ZNF595: variants seen among roughly 807,000 people sequenced by gnomAD.
ZNF595 encodes the protein zinc finger protein 595.
In ZNF595, 9 loss-of-function variants were observed where a neutral mutation model predicts 19.4. That is an observed-to-expected ratio of 0.46 (90% CI 0.28 to 0.81). ZNF595 has a LOEUF of 0.81. Among genes scored for constraint, ZNF595 ranks in the 30% least tolerant of loss-of-function variants. ZNF595 has a pLI of 0.11. For synonymous variants in ZNF595, 255 were observed against 255.9 expected (o/e 1.00, Z 0.03); for missense variants, 729 against 736.0 (o/e 0.99, Z 0.11).
Position 86,893 on chromosome 4 carries a change from G to C in ZNF595, c.1389G>C (p.Arg463=). 3.1e-6 allele frequency: 5 copies of C among 1,611,544 alleles called. No homozygotes were observed. The highest frequency in any genetic ancestry group is 4.2e-6 in the Non-Finnish European group (5 of 1,178,550). Reference sequence around the variant, plus strand: ...AAGAATGTGGCAAAGCCTTTACACGGTCCACAACACTGAACGAACATAAGA... The same window carrying C: ...AAGAATGTGGCAAAGCCTTTACACGCTCCACAACACTGAACGAACATAAGA... The part of the protein sequence containing the change: ...KCEECGKAFT[R]STTLNEHKKI... Residue 463 remains arginine, a synonymous_variant, in exon 4 of 4, where the codon CGG becomes CGC. Coordinates refer to ENST00000610261, the MANE Select transcript of ZNF595 (RefSeq NM_182524.4).
intron 3 of ZNF595, among the ~76,000 whole-genome samples, chr4:71,514 G>C (rs771244301): frequency 3.7e-4 from 57 of 152,042 alleles, no homozygotes; most frequent in Non-Finnish European, 6.6e-4. Flanking sequence ...CCTGGTCCTA[G>C]GTTTCAGAAC....
At chr4:61,721 C>A (rs1287051114) in intron 3 of ZNF595, among the ~76,000 whole-genome samples, 1 of 152,098 alleles carries the variant, frequency 6.6e-6, no homozygotes, top group Non-Finnish European at 1.5e-5. Flanking sequence ...AGTAAAGCAA[C>A]ATATTGTTTA....
chr4:74,431 T>C (rs1713561313), intron 3 of ZNF595, among the ~76,000 whole-genome samples: 1 of 152,194 alleles, frequency 6.6e-6, no homozygotes, highest in African/African-American at 2.4e-5. Context: ...CCTAGTATTA[T>C]CATATTTGTC....
intron 3 of ZNF595, among the ~76,000 whole-genome samples, chr4:80,311 G>A (rs1217535217): frequency 1.3e-5 from 2 of 152,176 alleles, no homozygotes; most frequent in East Asian, 1.9e-4. Context: ...GCGCCACCGC[G>A]CCCTGCTTGA....
intron 3 of ZNF595, among the ~76,000 whole-genome samples, chr4:66,516 C>T (rs1581332188): frequency 6.6e-6 from 1 of 151,950 alleles, no homozygotes; most frequent in Non-Finnish European, 1.5e-5. Context: ...TGCAAGAAAA[C>T]ATTGCTGGGA....
At chr4:80,476 A>G (rs1041421578) in intron 3 of ZNF595, among the ~76,000 whole-genome samples, 1 of 152,210 alleles carries the variant, frequency 6.6e-6, no homozygotes, top group Admixed American at 6.5e-5. Flanking sequence ...TGTCATGCGC[A>G]TCCGTGTGAA....
intron 3 of ZNF595, among the ~76,000 whole-genome samples, chr4:73,731 T>C (rs1162871225): frequency 6.6e-6 from 1 of 152,192 alleles, no homozygotes; most frequent in African/African-American, 2.4e-5. Context: ...CTGGTAAACA[T>C]AGGTAAAGTT....
chr4:86,708 G>A lies in ZNF595; in HGVS notation c.1204G>A (p.Gly402Ser). ...GAAACCCTACACATGTGAAGAATGT[G>A]GCAAAGCTTTTTATAGGTCCTCACA... is the stretch of plus-strand genomic sequence containing the variant. ...GEKPYTCEEC[G>S]KAFYRSSHLA... The change falls in exon 4 of 4, where the codon GGC becomes AGC. Residue 402 changes from glycine to serine, a missense_variant. Physicochemically the swap from Gly to Ser is moderately conservative, Grantham distance 56. This residue lies in a region of ZNF595 where 729 missense variants were observed against 675.3 expected (regional missense o/e 1.08). Coordinates refer to ENST00000610261, the MANE Select transcript of ZNF595 (RefSeq NM_182524.4). The A allele has an allele frequency of 6.2e-7, 1 of 1,613,688 alleles. No individual in the cohort carries two copies. Among genetic ancestry groups the A allele is most frequent in the South Asian group, 1.1e-5 (1 of 91,048 alleles).
intron 3 of ZNF595, among the ~76,000 whole-genome samples, chr4:84,748 A>G (rs1714063342): frequency 6.6e-6 from 1 of 152,030 alleles, no homozygotes; most frequent in Admixed American, 6.5e-5. Context: ...CTCACTCATT[A>G]CTTTTGTATT....
Position 87,440 on chromosome 4 carries a change from GAACATAGT to G in ZNF595, c.1937_1944del (p.Glu646ValfsTer9). 1 of 1,573,460 alleles carries G rather than the reference GAACATAGT, an allele frequency of 6.4e-7. No homozygotes were observed. The highest frequency in any genetic ancestry group is 8.6e-7 in the Non-Finnish European group (1 of 1,159,996). On this transcript the variant is annotated frameshift_variant, in exon 4 of 4. Coordinates refer to ENST00000610261, the MANE Select transcript of ZNF595 (RefSeq NM_182524.4). LOFTEE classifies it high-confidence loss of function. ...ACACAAGCGAATTCATACTGGCAAG[GAACATAGT>G]TGAATGACATTTCTAGTAATCTCTA... is the stretch of plus-strand genomic sequence containing the variant.
intron 3 of ZNF595, among the ~76,000 whole-genome samples, chr4:77,588 G>A (rs894184827): frequency 6.6e-6 from 1 of 152,140 alleles, no homozygotes; most frequent in Non-Finnish European, 1.5e-5. Context: ...TCTCTGGGCT[G>A]ATGATATTTC....
intron 3 of ZNF595, among the ~76,000 whole-genome samples, chr4:76,267 T>A (rs1374561568): frequency 1.3e-5 from 2 of 152,176 alleles, no homozygotes; most frequent in African/African-American, 4.8e-5. Context: ...ACGGTCCTGC[T>A]ATATTGAGCA....
intron 3 of ZNF595, among the ~76,000 whole-genome samples, chr4:80,729 A>G (rs143017540): frequency 0.019 from 2,820 of 152,288 alleles, 52 homozygotes; most frequent in South Asian, 0.085. Context: ...AGGTAATGTC[A>G]TCAGTTAAGG....
intron 3 of ZNF595, among the ~76,000 whole-genome samples, chr4:77,899 C>A (rs74579592): frequency 6.6e-6 from 1 of 152,120 alleles, no homozygotes; most frequent in African/African-American, 2.4e-5. Context: ...GGACAGGCTC[C>A]TAGATGAGCA....
At chr4:83,346 G>A (rs1031742742) in intron 3 of ZNF595, among the ~76,000 whole-genome samples, 1 of 152,080 alleles carries the variant, frequency 6.6e-6, no homozygotes, top group Non-Finnish European at 1.5e-5. Context: ...GTGGCTGGGT[G>A]TAGTGGCTCA....
rs1472109008 is a variant in ZNF595 at position 86,462 on chromosome 4, G to A, written c.958G>A (p.Ala320Thr). Residue 320 changes from alanine (A) to threonine (T), a missense_variant, in exon 4 of 4, where the codon GCC (alanine) becomes ACC (threonine). Ala to Thr is a moderately conservative substitution (Grantham distance 58, BLOSUM62 0). This residue lies in a region of ZNF595 where 729 missense variants were observed against 675.3 expected (regional missense o/e 1.08). Transcript: ENST00000610261. ...KPYKCKECGK[A>T]FRQSRSLNEH... ...CTACAAATGTAAAGAATGTGGCAAAGCCTTTAGACAGTCCAGGAGCCTGAA... is the reference window on the plus strand; with the variant it reads ...CTACAAATGTAAAGAATGTGGCAAAACCTTTAGACAGTCCAGGAGCCTGAA... 6.2e-7 allele frequency: 1 copy of A among 1,613,914 alleles called. No individual in the cohort carries two copies. The highest frequency in any genetic ancestry group is 1.3e-5 in the African/African-American group (1 of 74,896).
At chr4:74,650 G>A (rs10001277) in intron 3 of ZNF595, among the ~76,000 whole-genome samples, 12 of 152,122 alleles carry the variant, frequency 7.9e-5, no homozygotes, top group Admixed American at 2.6e-4. Flanking sequence ...ACATTGATTC[G>A]GTCTGGAAAG....
intron 3 of ZNF595, among the ~76,000 whole-genome samples, chr4:71,397 G>A (rs1189744966): frequency 6.6e-6 from 1 of 152,040 alleles, no homozygotes; most frequent in African/African-American, 2.4e-5. Flanking sequence ...CATCTTTTGT[G>A]CCTCTTCTTT....
At position 88,099 on chromosome 4, in the gene ZNF595, ATAAT is replaced by A. The variant is rs1714317822; in HGVS notation, c.*650_*653del. The stretch of plus-strand genomic sequence containing the variant: ...TTATAATAAGTATATGAGTATAATT[ATAAT>A]TCACACATTTCTAAGTCATGAATGC... On this transcript the variant is annotated 3_prime_UTR_variant, in exon 4 of 4. Transcript: ENST00000610261. 6.6e-6 allele frequency: 1 copy of A among 152,200 alleles called. No individual in the cohort carries two copies. Among genetic ancestry groups the A allele is most frequent in the Non-Finnish European group, 1.5e-5 (1 of 68,036 alleles). The allele number at this position is 152,200 out of a possible 1,614,324, so 9.4% of individuals were successfully genotyped here. A position where few individuals can be genotyped will look rare whatever the true frequency, so the allele number is the denominator to read the frequency against.
Sources: gnomAD v4.1 joint callset for allele counts (sites outside exome capture counted in the v4.1 genomes callset) on GRCh38, gnomAD v4.1.1 for gene constraint, gnomAD v4.1.1 regional missense constraint, MANE v1.5 for transcripts, NCBI Gene and HGNC (gene_info 2026-07-23, HGNC 2026-07-21) for gene names.